Variants in PAMR1 observed in about 807,000 individuals in gnomAD.
PAMR1 encodes inactive serine protease PAMR1.
In PAMR1, 88 loss-of-function variants were observed where a neutral mutation model predicts 81.8. The ratio of observed to expected loss-of-function variants is 1.08; its 90% confidence interval spans 0.91 to 1.28. PAMR1 has a LOEUF of 1.28. Among genes scored for constraint, PAMR1 ranks in the 50% most tolerant of loss-of-function variants. The probability of loss-of-function intolerance (pLI) is 0.00; values close to 1 mark genes in which losing one functional copy is unlikely to be tolerated. For synonymous variants in PAMR1, 336 were observed against 345.3 expected (o/e 0.97, Z 0.30); for missense variants, 935 against 919.7 (o/e 1.02, Z -0.21).
At chr11:35,440,764 T>A (rs772417121) in intron 7 of PAMR1, among the ~76,000 whole-genome samples, 9 of 152,240 alleles carry the variant, frequency 5.9e-5, no homozygotes, top group Admixed American at 6.5e-5. Flanking sequence ...ATTCCCAGAT[T>A]GCCTCACTTT....
chr11:35,496,404 A>T (rs1337542126), intron 1 of PAMR1, among the ~76,000 whole-genome samples: 2 of 152,240 alleles, frequency 1.3e-5, no homozygotes, highest in African/African-American at 4.8e-5. Flanking sequence ...TCTAAAACTC[A>T]TACAACTCAA....
intron 5 of PAMR1, among the ~76,000 whole-genome samples, chr11:35,470,151 T>C (rs1408331563): frequency 6.6e-6 from 1 of 152,176 alleles, no homozygotes; most frequent in African/African-American, 2.4e-5. Context: ...TGGAGAAGGA[T>C]CTACTATTAC....
chr11:35,503,283 C>CT (rs35661071), intron 1 of PAMR1, among the ~76,000 whole-genome samples: 152 of 139,762 alleles, frequency 1.1e-3, no homozygotes, highest in Middle Eastern at 3.6e-3. Flanking sequence ...ATGTCTCCAG[C>CT]TTTTTTTTTT....
chr11:35,499,836 T>C (rs1850797012), intron 1 of PAMR1, among the ~76,000 whole-genome samples: 1 of 152,248 alleles, frequency 6.6e-6, no homozygotes, highest in South Asian at 2.1e-4. Flanking sequence ...GAAGGGATTT[T>C]ACAGATGTGA....
intron 1 of PAMR1, among the ~76,000 whole-genome samples, chr11:35,518,855 T>C (rs531826334): frequency 6.6e-6 from 1 of 152,214 alleles, no homozygotes; most frequent in South Asian, 2.1e-4. Flanking sequence ...GGACAGTTGT[T>C]GTGTCAGTGT....
At chr11:35,440,897 C>G (rs1856151034) in intron 7 of PAMR1, among the ~76,000 whole-genome samples, 1 of 152,192 alleles carries the variant, frequency 6.6e-6, no homozygotes, top group Non-Finnish European at 1.5e-5. Context: ...CAGACTGGCT[C>G]CAGTCCTACT....
intron 1 of PAMR1, among the ~76,000 whole-genome samples, chr11:35,506,462 T>G (rs1200045862): frequency 2.0e-5 from 3 of 151,612 alleles, no homozygotes; most frequent in African/African-American, 4.8e-5. Context: ...AACTAACTTC[T>G]CTTAGCATTT....
At chr11:35,527,426 C>T (rs1489362620), upstream of PAMR1, among the ~76,000 whole-genome samples, 2 of 152,148 alleles carry the variant, frequency 1.3e-5, no homozygotes, top group African/African-American at 2.4e-5. Context: ...CCTGAGACTG[C>T]CCCCAAGAAC....
At chr11:35,466,466 C>G (rs1024675099) in intron 6 of PAMR1, among the ~76,000 whole-genome samples, 1 of 151,924 alleles carries the variant, frequency 6.6e-6, no homozygotes, top group Non-Finnish European at 1.5e-5. Flanking sequence ...AGTGGCTCAC[C>G]CCTGTAATCC....
intron 1 of PAMR1, among the ~76,000 whole-genome samples, chr11:35,500,391 C>T (rs1330505109): frequency 6.6e-6 from 1 of 152,122 alleles, no homozygotes; most frequent in African/African-American, 2.4e-5. Flanking sequence ...GTGTTGACTA[C>T]ATCCTAGGCA....
intron 1 of PAMR1, among the ~76,000 whole-genome samples, chr11:35,521,908 T>C (rs1415286516): frequency 6.6e-6 from 1 of 151,570 alleles, no homozygotes; most frequent in Non-Finnish European, 1.5e-5. Flanking sequence ...AAATCGTTTT[T>C]TGTTTGGTTT....
At chr11:35,498,934 A>G (rs1565353790) in intron 1 of PAMR1, among the ~76,000 whole-genome samples, 1 of 152,168 alleles carries the variant, frequency 6.6e-6, no homozygotes, top group Non-Finnish European at 1.5e-5. Flanking sequence ...TCCTTACCAC[A>G]GTTGAGAATC....
At chr11:35,478,403 T>G (rs982760760) in intron 3 of PAMR1, among the ~76,000 whole-genome samples, 4 of 152,192 alleles carry the variant, frequency 2.6e-5, no homozygotes, top group African/African-American at 9.7e-5. Flanking sequence ...ACATCTCCAT[T>G]CTTCTTAATG....
chr11:35,506,852 T>C (rs905960154), intron 1 of PAMR1, among the ~76,000 whole-genome samples: 1 of 148,040 alleles, frequency 6.8e-6, no homozygotes, highest in Non-Finnish European at 1.5e-5. Context: ...ATATCTTTCT[T>C]AAGTTTAGAA....
chr11:35,528,492 T>C (rs566499012), upstream of PAMR1, among the ~76,000 whole-genome samples: 2 of 152,346 alleles, frequency 1.3e-5, no homozygotes, highest in South Asian at 4.1e-4. Context: ...AAAAATGCAA[T>C]ATGAACCCAA....
rs1224126656 is a variant in PAMR1, at chr11:35,432,202, C to G, written c.*154G>C. 1.5e-6 allele frequency: 1 copy of G among 662,004 alleles called. No homozygotes were observed. Among genetic ancestry groups the G allele is most frequent in the African/African-American group, 1.8e-5 (1 of 55,166 alleles). 41.0% of individuals were successfully genotyped at this position (662,004 alleles called of 1,614,324 possible). On this transcript the variant is annotated 3_prime_UTR_variant, in exon 11 of 11. Coordinates refer to ENST00000619888, the MANE Select transcript of PAMR1 (RefSeq NM_001001991.3). Reference sequence around the variant, plus strand: ...TCAGCCTACCAGCAATGGAGGTCTACTCACCCTTCACTGAGTTTTGTCCCT... The same window carrying G: ...TCAGCCTACCAGCAATGGAGGTCTAGTCACCCTTCACTGAGTTTTGTCCCT...
At chr11:35,448,339 T>C (rs1000422304) in intron 6 of PAMR1, among the ~76,000 whole-genome samples, 3 of 152,004 alleles carry the variant, frequency 2.0e-5, no homozygotes, top group Non-Finnish European at 2.9e-5. Context: ...TCATTCCTTT[T>C]CATTTTTTTT....
intron 2 of PAMR1, among the ~76,000 whole-genome samples, chr11:35,493,336 G>A (rs1305515946): frequency 6.6e-6 from 1 of 152,094 alleles, no homozygotes; most frequent in African/African-American, 2.4e-5. Flanking sequence ...TTGAAGCACA[G>A]TTTGCAAAGC....
intron 6 of PAMR1, among the ~76,000 whole-genome samples, chr11:35,450,528 G>A (rs1178562579): frequency 1.3e-5 from 2 of 152,190 alleles, no homozygotes; most frequent in East Asian, 3.9e-4. Context: ...CATGATGTGG[G>A]AGGAAAAGGC....
Sources: gnomAD v4.1 joint callset for allele counts (sites outside exome capture counted in the v4.1 genomes callset) on GRCh38, gnomAD v4.1.1 for gene constraint, MANE v1.5 for transcripts, NCBI Gene and HGNC (gene_info 2026-07-23, HGNC 2026-07-21) for gene names.